COL5A3: variants seen among roughly 807,000 people sequenced by gnomAD.
COL5A3 encodes the protein collagen alpha-3(V) chain.
Under a neutral mutation model 250.0 loss-of-function variants are expected in COL5A3, and 172 were observed. That is an observed-to-expected ratio of 0.69 (90% CI 0.61 to 0.78). The LOEUF is 0.78. Ranked by LOEUF, COL5A3 falls within the 30% of genes least tolerant of loss-of-function variation. COL5A3 has a pLI of 0.00. For synonymous variants in COL5A3, 937 were observed against 900.4 expected (o/e 1.04, Z -0.73); for missense variants, 2,340 against 2,334.4 (o/e 1.00, Z -0.05).
chr19:9,971,288 C>T (rs1274032833), intron 51 of COL5A3, 30 bp from the exon 52 acceptor site: 2 of 1,525,858 alleles, frequency 1.3e-6, no homozygotes, highest in Non-Finnish European at 1.8e-6. Context: ...ATAATCACAT[C>T]TCTGAATTGT....
At chr19:10,005,011 T>C (rs1342111753) in intron 4 of COL5A3, among the ~76,000 whole-genome samples, 1 of 150,760 alleles carries the variant, frequency 6.6e-6, no homozygotes, top group Non-Finnish European at 1.5e-5. Context: ...CACACAAGCA[T>C]GCACTGGCAC....
chr19:9,981,217 AC>A, intron 32 of COL5A3, 85 bp from the exon 33 acceptor site: 1 of 1,239,582 alleles, frequency 8.1e-7, no homozygotes, highest in African/African-American at 1.5e-5. Flanking sequence ...CCAGTCACAG[AC>A]CCAGAAAGCT....
rs188127591 is a variant in COL5A3 at position 9,995,429 on chromosome 19, G to A, written c.1587+135C>T. 282 of 652,742 alleles carry A rather than the reference G, an allele frequency of 4.3e-4. 1 individual carries two copies. In the African/African-American group the frequency reaches 4.4e-3, roughly 10 times the overall value. 40.4% of individuals were successfully genotyped at this position (652,742 alleles called of 1,614,324 possible). A position where few individuals can be genotyped will look rare whatever the true frequency, so the allele number is the denominator to read the frequency against. ...CGGATTCCTTTGACACACACTCAGT[G>A]GAGCTGCCATTCCCTGCCTTCAGCA... On this transcript the variant is annotated intron_variant, in intron 16 of 66. Coordinates refer to ENST00000264828, the MANE Select transcript of COL5A3 (RefSeq NM_015719.4).
chr19:9,988,855 A>AAAAAGAGAGAGAGAAAG (rs1269531312), intron 27 of COL5A3, among the ~76,000 whole-genome samples: 2 of 104,738 alleles, frequency 1.9e-5, no homozygotes, highest in South Asian at 5.9e-4. Flanking sequence ...AAAAAAAAAA[A>AAAAAGAGAGAGAGAAAG]AAAGAAAGTA....
Position 9,996,375 on chromosome 19 carries a change from C to T in COL5A3, c.1422+58G>A, listed in dbSNP as rs1481475759. 17 of 1,586,668 alleles carry T rather than the reference C, an allele frequency of 1.1e-5. No homozygotes were observed. In the East Asian group the frequency reaches 1.1e-4, roughly 10 times the overall value. On this transcript the variant is annotated intron_variant, in intron 13 of 66. Coordinates refer to ENST00000264828, the MANE Select transcript of COL5A3 (RefSeq NM_015719.4). The stretch of plus-strand genomic sequence containing the variant: ...CCTTCTCCTGCCCAGCCCCTCCTTA[C>T]GCCGAGGCTCTATCACTCTCTGGGG...
chr19:9,999,568 C>T (rs111883491), intron 8 of COL5A3, among the ~76,000 whole-genome samples: 5,022 of 149,548 alleles, frequency 0.034, 286 homozygotes, highest in African/African-American at 0.12. Context: ...CCCGGGTTCA[C>T]GCCATTCTGC....
chr19:9,995,200 G>A (rs192439481), intron 16 of COL5A3, among the ~76,000 whole-genome samples: 44 of 152,140 alleles, frequency 2.9e-4, no homozygotes, highest in African/African-American at 1.0e-3. Flanking sequence ...GAGCCACTGC[G>A]CGCAGCCAAT....
In COL5A3 at chr19:9,988,246, C is replaced by CA. The variant is rs1460405916; in HGVS notation, c.2145+877dup. ...CAGAACCAGGTCTCAAAAACAAAAA[C>CA]AAAAAAAGATTAAAAATGTAATTAT... On this transcript the variant is annotated intron_variant, in intron 27 of 66. Transcript: ENST00000264828. Among the ~76,000 whole-genome samples, 9 of 151,960 alleles carry CA rather than the reference C, an allele frequency of 5.9e-5. No individual in the cohort carries two copies. The South Asian group carries it at 6.3e-4, about 11-fold the overall frequency.
chr19:9,964,654 C>T (rs372381341), intron 64 of COL5A3, among the ~76,000 whole-genome samples: 24 of 151,770 alleles, frequency 1.6e-4, no homozygotes, highest in South Asian at 4.2e-4. Flanking sequence ...ACACTTATAC[C>T]GGCCAGGTTC....
At chr19:10,000,487 G>A (rs2087344803) in intron 8 of COL5A3, among the ~76,000 whole-genome samples, 4 of 87,676 alleles carry the variant, frequency 4.6e-5, no homozygotes, top group East Asian at 3.0e-4. Flanking sequence ...TTTTTTAAGA[G>A]ATGGGTCTCA....
In COL5A3 at chr19:9,979,188, G is replaced by A; in HGVS notation, c.2818C>T (p.Pro940Ser). Residue 940 changes from proline (P) to serine (S), a missense_variant, in exon 39 of 67, where the codon CCT (proline) becomes TCT (serine). Around this residue, in one of 3 missense-constraint regions of COL5A3, gnomAD observed 1,179 missense variants for 1,162.6 expected, o/e 1.01. Coordinates refer to ENST00000264828, the MANE Select transcript of COL5A3 (RefSeq NM_015719.4). The part of the protein sequence containing the change: ...PLGERGPPGP[P>S]GPPGEQGLPG... ...AGACCTTGTTCACCAGGAGGTCCAG[G>A]GGGGCCTGGAGGCCCCCTTTCACCT... 6.2e-7 allele frequency: 1 copy of A among 1,603,422 alleles called. No individual in the cohort carries two copies. The highest frequency in any genetic ancestry group is 8.5e-7 in the Non-Finnish European group (1 of 1,177,148).
At position 9,977,348 on chromosome 19, in the gene COL5A3, C is replaced by T. The variant is rs370789258; in HGVS notation, c.3234+17G>A. The T allele has an allele frequency of 8.4e-5, 135 of 1,610,206 alleles. No individual in the cohort carries two copies. Among genetic ancestry groups the T allele is most frequent in the Middle Eastern group, 3.3e-4 (2 of 6,066 alleles). On this transcript the variant is annotated intron_variant, in intron 43 of 66. Coordinates refer to ENST00000264828, the MANE Select transcript of COL5A3 (RefSeq NM_015719.4). ...CCCCATCCTCCCCTGGACCCTTCCT[C>T]TCTGTGAACCCCTCACCTTGTCCCC... is the stretch of plus-strand genomic sequence containing the variant.
Position 10,005,349 on chromosome 19 carries a change from C to CA in COL5A3, c.594+208dup, listed in dbSNP as rs1221352558. 3.6e-3 allele frequency among the ~76,000 whole-genome samples: 467 copies of CA among 131,358 alleles called. 2 individuals carry two copies. Among genetic ancestry groups the CA allele is most frequent in the Admixed American group, 0.013 (172 of 13,120 alleles). The allele number at this position is 131,358 out of a possible 152,430, so 86.2% of individuals were successfully genotyped here. A position where few individuals can be genotyped will look rare whatever the true frequency, so the allele number is the denominator to read the frequency against. ...TGGGTGACAGAGCAAGGCTCCATCT[C>CA]AAAAAAAAAAAAAAATTATTGTCTT... On this transcript the variant is annotated intron_variant, in intron 4 of 66. Transcript: ENST00000264828.
intron 35 of COL5A3, among the ~76,000 whole-genome samples, chr19:9,980,300 A>G (rs967129132): frequency 1.3e-5 from 2 of 152,232 alleles, no homozygotes; most frequent in East Asian, 1.9e-4. Context: ...AAGGTCACAC[A>G]GTAGGTGAGT....
chr19:9,985,712 C>T, intron 31 of COL5A3, 130 bp downstream of exon 31: 1 of 831,112 alleles, frequency 1.2e-6, no homozygotes, highest in Middle Eastern at 3.7e-4. Context: ...GGCCAAAGCC[C>T]ACATTTTACA....
rs754988644 is a variant in COL5A3 at position 9,986,338 on chromosome 19, G to T, written c.2329C>A (p.Pro777Thr). ...ACCTTCTCCCCAGCTGAGCCTGGGGGCCCCTCCTCGCCAGCCTGCCCCGCC... is the reference window on the plus strand; with the variant it reads ...ACCTTCTCCCCAGCTGAGCCTGGGGTCCCCTCCTCGCCAGCCTGCCCCGCC... Reference protein sequence around the residue: ...GQAGQAGEEGPPGSAGEKGKL... With the variant: ...GQAGQAGEEGTPGSAGEKGKL... The change falls in exon 30 of 67, where the codon CCC becomes ACC. Residue 777 changes from proline to threonine, a missense_variant. By Grantham distance (38) the Pro-to-Thr change is conservative. Transcript: ENST00000264828. 5.1e-6 allele frequency: 8 copies of T among 1,582,416 alleles called. No homozygotes were observed. Among genetic ancestry groups the T allele is most frequent in the Non-Finnish European group, 6.0e-6 (7 of 1,171,344 alleles).
intron 16 of COL5A3, among the ~76,000 whole-genome samples, chr19:9,995,033 G>A (rs756549439): frequency 6.6e-5 from 10 of 151,882 alleles, no homozygotes; most frequent in East Asian, 5.8e-4. Context: ...TCAGCCTCCC[G>A]AGTAGCTGGG....
chr19:9,974,043 T>C, intron 47 of COL5A3, 71 bp from the exon 48 acceptor site: 3 of 1,511,486 alleles, frequency 2.0e-6, no homozygotes, highest in Non-Finnish European at 2.7e-6. Flanking sequence ...TGACCACAGA[T>C]ACCACTGTCA....
chr19:10,004,123 A>C lies in COL5A3; in HGVS notation c.617T>G (p.Ile206Arg), dbSNP rs1348373502. 6.2e-7 allele frequency: 1 copy of C among 1,613,990 alleles called. No homozygotes were observed. Among genetic ancestry groups the C allele is most frequent in the South Asian group, 1.1e-5 (1 of 91,082 alleles). The change falls in exon 5 of 67, where the codon ATA (isoleucine) becomes AGA (arginine). Residue 206 changes from isoleucine to arginine, a missense_variant. This residue lies in a region of COL5A3 where 1,152 missense variants were observed against 1,146.3 expected (regional missense o/e 1.00). Coordinates refer to ENST00000264828, the MANE Select transcript of COL5A3 (RefSeq NM_015719.4). ...TFEGDIQELLISPDPQAAFQA... is the reference protein window; with the variant it reads ...TFEGDIQELLRSPDPQAAFQA... ...GAAGGCAGCCTGAGGATCTGGGCTTATCAGCAGCTCCTGAATGTCTCCCTG... is the reference window on the plus strand; with the variant it reads ...GAAGGCAGCCTGAGGATCTGGGCTTCTCAGCAGCTCCTGAATGTCTCCCTG...
Sources: gnomAD v4.1 joint callset for allele counts (sites outside exome capture counted in the v4.1 genomes callset) on GRCh38, gnomAD v4.1.1 for gene constraint, gnomAD v4.1.1 regional missense constraint, MANE v1.5 for transcripts, NCBI Gene and HGNC (gene_info 2026-07-23, HGNC 2026-07-21) for gene names.